The following KMT2A variants were observed in gnomAD, a reference collection of about 807,000 sequenced individuals.
KMT2A encodes lysine methyltransferase 2A, also known as histone-lysine N-methyltransferase 2A.
Under a neutral mutation model 345.3 loss-of-function variants are expected in KMT2A, and 16 were observed. That is an observed-to-expected ratio of 0.05 (90% CI 0.03 to 0.07). The LOEUF is 0.07. KMT2A is among the 10% of genes least tolerant of loss of function. The pLI, the probability that KMT2A is intolerant of heterozygous loss-of-function variation, is 1.00. For synonymous variants in KMT2A, 1,599 were observed against 1,778.6 expected, an observed-to-expected ratio of 0.90 and a Z score of 2.54; for missense variants, 3,272 against 4,841.6, an observed-to-expected ratio of 0.68 and a Z score of 9.62.
rs2134260310 is a variant in KMT2A at position 118,472,301 on chromosome 11, A to G, written c.1142A>G (p.Lys381Arg). The change falls in exon 3 of 36, where the codon AAG becomes AGG. Residue 381 changes from lysine (K) to arginine (R), a missense_variant. Lys to Arg is a conservative substitution (Grantham distance 26). Transcript: ENST00000534358. Reference sequence around the variant, plus strand: ...AAGCAACTCTTACAGAGGGCAAAAAAGGGGGCTCAAAAGAAAATTGAAAAA... The same window carrying G: ...AAGCAACTCTTACAGAGGGCAAAAAGGGGGGCTCAAAAGAAAATTGAAAAA... ...IAKQLLQRAK[K>R]GAQKKIEKEA... The G allele has an allele frequency of 1.2e-6, 2 of 1,614,138 alleles. No homozygotes were observed. Among genetic ancestry groups the G allele is most frequent in the South Asian group, 1.1e-5 (1 of 91,080 alleles).
In KMT2A at chr11:118,507,561, C is replaced by T. The variant is rs2134419414; in HGVS notation, c.10787C>T (p.Thr3596Ile). 6.2e-7 allele frequency: 1 copy of T among 1,614,192 alleles called. No homozygotes were observed. Among genetic ancestry groups the T allele is most frequent in the East Asian group, 2.2e-5 (1 of 44,888 alleles). ...TPGAEAEQQD[T>I]ASVEQSSQKE... is the part of the protein sequence containing the mutation. ...GGAGCAGAGGCTGAGCAGCAGGATA[C>T]AGCTAGCGTGGAGCAGTCCTCCCAG... Residue 3596 changes from threonine to isoleucine, a missense_variant, in exon 28 of 36, where the codon ACA becomes ATA. Physicochemically the swap from Thr to Ile is moderately conservative, Grantham distance 89. Around this residue, in one of 27 missense-constraint regions of KMT2A, gnomAD observed 748 missense variants for 922.2 expected, o/e 0.81. Coordinates refer to ENST00000534358, the MANE Select transcript of KMT2A (RefSeq NM_001197104.2).
At chr11:118,456,895 T>C (rs1949654784) in intron 1 of KMT2A, among the ~76,000 whole-genome samples, 1 of 152,230 alleles carries the variant, frequency 6.6e-6, no homozygotes, top group African/African-American at 2.4e-5. Context: ...TTCCCAGTCT[T>C]GGTAAATACC....
chr11:118,457,190 A>G (rs1299107549), intron 1 of KMT2A, among the ~76,000 whole-genome samples: 1 of 150,904 alleles, frequency 6.6e-6, no homozygotes, highest in African/African-American at 2.4e-5. Flanking sequence ...GATGAGGTCT[A>G]CACGTCCTCA....
chr11:118,511,931 TTTTC>T lies in KMT2A; in HGVS notation c.11072-16_11072-13del. ...ACGTGCATATTTTCTGGCTTACGGGTTTTCTTTATTTCCTTTCAGATGCCTGGAA... is the reference window on the plus strand; with the variant it reads ...ACGTGCATATTTTCTGGCTTACGGGTTTTATTTCCTTTCAGATGCCTGGAA... On this transcript the variant is annotated splice_polypyrimidine_tract_variant and intron_variant, in intron 30 of 35. Transcript: ENST00000534358. 2 of 1,611,216 alleles carry T rather than the reference TTTTC, an allele frequency of 1.2e-6. No homozygotes were observed. Among genetic ancestry groups the T allele is most frequent in the East Asian group, 2.2e-5 (1 of 44,870 alleles).
intron 28 of KMT2A, 52 bp from the exon 29 acceptor site, chr11:118,509,083 CT>C (rs1950639010): frequency 1.3e-6 from 2 of 1,526,556 alleles, no homozygotes; most frequent in South Asian, 2.3e-5. Context: ...TGGGTTTTTT[CT>C]TTGAATTGAA....
chr11:118,436,696 G>A lies in KMT2A; in HGVS notation c.184G>A (p.Ala62Thr), dbSNP rs782699755. 8 of 1,316,306 alleles carry A rather than the reference G, an allele frequency of 6.1e-6. No homozygotes were observed. The South Asian group carries it at 1.5e-4, about 25-fold the overall frequency. 81.5% of individuals were successfully genotyped at this position (1,316,306 alleles called of 1,614,324 possible). A position where few individuals can be genotyped will look rare whatever the true frequency, so the allele number is the denominator to read the frequency against. The change falls in exon 1 of 36, where the codon GCC (alanine) becomes ACC (threonine). Residue 62 changes from alanine (A) to threonine (T), a missense_variant. Ala to Thr is a moderately conservative substitution (Grantham distance 58). Transcript: ENST00000534358. This position sits in a 1 kb window ranked among gnomAD's most constrained non-coding sequence, Gnocchi z 6.9. ...GAPPSPPAVA[A>T]AAAAAGSSGA... The stretch of plus-strand genomic sequence containing the variant: ...GCCCCCCTCCCCCCCGGCTGTGGCG[G>A]CCGCGGCGGCGGCGGCGGGAAGCAG...
chr11:118,445,864 G>T (rs1415063770), intron 1 of KMT2A, among the ~76,000 whole-genome samples: 2 of 151,844 alleles, frequency 1.3e-5, no homozygotes, highest in African/African-American at 4.8e-5. Flanking sequence ...TTAGCTGGGT[G>T]TGGTGGTTGC....
intron 10 of KMT2A, among the ~76,000 whole-genome samples, chr11:118,485,821 G>C (rs1392643132): frequency 6.6e-6 from 1 of 152,316 alleles, no homozygotes; most frequent in African/African-American, 2.4e-5. Context: ...GGTGGCTCAC[G>C]CCTGTAATCC....
In KMT2A at chr11:118,521,781, T is replaced by G; in HGVS notation, c.11644-116T>G. 1 of 1,115,694 alleles carries G rather than the reference T, an allele frequency of 9.0e-7. No individual in the cohort carries two copies. Among genetic ancestry groups the G allele is most frequent in the Non-Finnish European group, 1.3e-6 (1 of 791,088 alleles). The allele number at this position is 1,115,694 out of a possible 1,614,324, so 69.1% of individuals were successfully genotyped here. A position where few individuals can be genotyped will look rare whatever the true frequency, so the allele number is the denominator to read the frequency against. ...AGTACTGGGAGAAATCTGGAAATTT[T>G]ACTAGAAGAAACTTTCTCAGCCGCT... On this transcript the variant is annotated intron_variant, in intron 35 of 35. Coordinates refer to ENST00000534358, the MANE Select transcript of KMT2A (RefSeq NM_001197104.2). This position sits in a 1 kb window ranked among gnomAD's most constrained non-coding sequence, Gnocchi z 5.3.
chr11:118,518,674 T>C (rs1015820620), intron 31 of KMT2A, among the ~76,000 whole-genome samples: 5 of 151,608 alleles, frequency 3.3e-5, no homozygotes, highest in Admixed American at 2.0e-4. Context: ...TCCCAGCTAC[T>C]TGGGAGGCTG....
intron 5 of KMT2A, 129 bp from the exon 6 acceptor site, chr11:118,480,045 C>A (rs1271831126): frequency 7.1e-6 from 5 of 701,988 alleles, no homozygotes; most frequent in Non-Finnish European, 1.2e-5. Flanking sequence ...AATGAGCAGT[C>A]CTTTTTTCAA....
At chr11:118,477,577 G>T (rs1412720330) in intron 4 of KMT2A, among the ~76,000 whole-genome samples, 1 of 119,048 alleles carries the variant, frequency 8.4e-6, no homozygotes, top group Non-Finnish European at 1.6e-5. Flanking sequence ...GTGCGATCTC[G>T]GCTCACTACA....
intron 31 of KMT2A, among the ~76,000 whole-genome samples, chr11:118,513,678 C>T (rs997241502): frequency 3.3e-5 from 5 of 152,196 alleles, no homozygotes; most frequent in African/African-American, 9.6e-5. Context: ...GACACAGTGG[C>T]TCACACCTGA....
At chr11:118,439,026 A>G in intron 1 of KMT2A, 1 of 509,620 alleles carries the variant, frequency 2.0e-6, no homozygotes, top group South Asian at 1.4e-5. Context: ...TTTTTAAGCT[A>G]ACAACACAGA....
At chr11:118,446,685 G>A (rs894820266) in intron 1 of KMT2A, among the ~76,000 whole-genome samples, 5 of 152,050 alleles carry the variant, frequency 3.3e-5, no homozygotes, top group Middle Eastern at 3.4e-3. Flanking sequence ...CATTACTTTT[G>A]GATAGTTTAT....
In KMT2A at chr11:118,525,619, AAG is replaced by A. The variant is rs1295537181; in HGVS notation, c.*3448_*3449del. 8 of 228,016 alleles carry A rather than the reference AAG, an allele frequency of 3.5e-5. No homozygotes were observed. Among genetic ancestry groups the A allele is most frequent in the African/African-American group, 1.6e-4 (7 of 44,994 alleles). 14.1% of individuals were successfully genotyped at this position (228,016 alleles called of 1,614,324 possible). A position where few individuals can be genotyped will look rare whatever the true frequency, so the allele number is the denominator to read the frequency against. On this transcript the variant is annotated 3_prime_UTR_variant, in exon 36 of 36. Coordinates refer to ENST00000534358, the MANE Select transcript of KMT2A (RefSeq NM_001197104.2). ...TAAAAAAAATAAAAAATAAAAAAAA[AAG>A]GAAAAAAAAATACAACACACACACA...
intron 5 of KMT2A, among the ~76,000 whole-genome samples, chr11:118,479,065 TC>T (rs1219490292): frequency 6.6e-6 from 1 of 152,262 alleles, no homozygotes; most frequent in Non-Finnish European, 1.5e-5. Context: ...GGGTATCCAT[TC>T]CCTTAAGCAT....
chr11:118,509,931 T>C lies in KMT2A; in HGVS notation c.10901-17T>C. On this transcript the variant is annotated splice_polypyrimidine_tract_variant and intron_variant, in intron 29 of 35. Coordinates refer to ENST00000534358, the MANE Select transcript of KMT2A (RefSeq NM_001197104.2). ...AGCATTTGTTACTGCAACCACTATC[T>C]ATTTTCTCCCTATTAGAACCTAAAA... 6.3e-7 allele frequency: 1 copy of C among 1,575,866 alleles called. No homozygotes were observed. Among genetic ancestry groups the C allele is most frequent in the South Asian group, 1.1e-5 (1 of 86,978 alleles).
At position 118,522,469 on chromosome 11, in the gene KMT2A, A is replaced by G. The variant is rs9332867; in HGVS notation, c.*297A>G. ...TAGCAGACTTGCCTGGAAGGAGCCT[A>G]TTATAGAGGGTTGGTTATGTTGGGA... On this transcript the variant is annotated 3_prime_UTR_variant, in exon 36 of 36. Transcript: ENST00000534358. The surrounding 1 kb of genome is among the most constrained non-coding windows in gnomAD (Gnocchi z 5.4). 0.014 allele frequency: 5,297 copies of G among 373,386 alleles called. 241 individuals carry two copies. The highest frequency in any genetic ancestry group is 0.092 in the African/African-American group (4,664 of 50,542). The allele number at this position is 373,386 out of a possible 1,614,324, so 23.1% of individuals were successfully genotyped here. A position where few individuals can be genotyped will look rare whatever the true frequency, so the allele number is the denominator to read the frequency against.
Sources: allele counts gnomAD v4.1 joint callset (sites outside exome capture counted in the v4.1 genomes callset), GRCh38; gene constraint gnomAD v4.1.1; regional missense constraint gnomAD v4.1.1; non-coding constraint Gnocchi (gnomAD v3.1); transcripts MANE v1.5; gene names NCBI Gene and HGNC (gene_info 2026-07-23, HGNC 2026-07-21).